The following ITPK1 variants were observed in gnomAD, a reference collection of about 807,000 sequenced individuals.
ITPK1 encodes the protein inositol 1,3,4-trisphosphate 5/6-kinase.
A neutral mutation model predicts 45.3 loss-of-function variants in ITPK1; 21 were observed. The observed-to-expected ratio is 0.46, with a 90% CI of 0.33 to 0.67. The LOEUF is 0.67. Among genes scored for constraint, ITPK1 ranks in the 30% least tolerant of loss-of-function variants. ITPK1 has a pLI of 0.02. For missense variants in ITPK1, 474 were observed against 573.5 expected (o/e 0.83, Z 1.77); for synonymous variants, 258 against 253.6 (o/e 1.02, Z -0.16).
intron 5 of ITPK1, among the ~76,000 whole-genome samples, chr14:92,966,309 C>T (rs1413259509): frequency 2.0e-5 from 3 of 152,090 alleles, no homozygotes; most frequent in African/African-American, 7.2e-5. Flanking sequence ...TATTTCTATA[C>T]CCCAGCAATG....
In ITPK1 at chr14:92,958,732, C is replaced by T. The variant is rs1884888014; in HGVS notation, c.505-366G>A. Reference sequence around the variant, plus strand: ...ACCCTCTGACATCCTAAAGGATCCTCCACAAAGACCCGGGAGGAGGAAGGA... The same window carrying T: ...ACCCTCTGACATCCTAAAGGATCCTTCACAAAGACCCGGGAGGAGGAAGGA... On this transcript the variant is annotated intron_variant, in intron 7 of 10. Coordinates refer to ENST00000267615, the MANE Select transcript of ITPK1 (RefSeq NM_014216.6). This position sits in a 1 kb window ranked among gnomAD's most constrained non-coding sequence, Gnocchi z 4.4. Among the ~76,000 whole-genome samples, 1 of 152,182 alleles carries T rather than the reference C, an allele frequency of 6.6e-6. No individual in the cohort carries two copies. Among genetic ancestry groups the T allele is most frequent in the Non-Finnish European group, 1.5e-5 (1 of 68,032 alleles).
chr14:93,110,450 C>T (rs1192464972), intron 2 of ITPK1, among the ~76,000 whole-genome samples: 2 of 152,198 alleles, frequency 1.3e-5, no homozygotes, highest in Admixed American at 6.5e-5. Flanking sequence ...GAATTCCAGA[C>T]CAGAATGCTA....
intron 3 of ITPK1, among the ~76,000 whole-genome samples, chr14:93,041,040 G>C (rs562587033): frequency 6.6e-6 from 1 of 152,318 alleles, no homozygotes; most frequent in African/African-American, 2.4e-5. Flanking sequence ...CAGAGTGTGG[G>C]GGGAGATGGT....
intron 3 of ITPK1, among the ~76,000 whole-genome samples, chr14:93,021,322 G>A (rs1305511864): frequency 2.6e-5 from 4 of 152,108 alleles, no homozygotes; most frequent in Non-Finnish European, 5.9e-5. Context: ...GCCGGACATA[G>A]TGGCTTGTGC....
At chr14:92,965,429 A>G (rs1483469881) in intron 5 of ITPK1, among the ~76,000 whole-genome samples, 1 of 152,230 alleles carries the variant, frequency 6.6e-6, no homozygotes, top group Non-Finnish European at 1.5e-5. Context: ...AAGACCAGGA[A>G]CAAGATAAGG....
intron 3 of ITPK1, among the ~76,000 whole-genome samples, chr14:93,074,092 CAG>C (rs1439894333): frequency 1.3e-5 from 2 of 152,196 alleles, no homozygotes; most frequent in African/African-American, 4.8e-5. Flanking sequence ...CCTGTTTTTG[CAG>C]AGTCTTTCTC....
chr14:93,102,393 G>A (rs1208725271), intron 2 of ITPK1, among the ~76,000 whole-genome samples: 2 of 152,402 alleles, frequency 1.3e-5, no homozygotes, highest in South Asian at 2.1e-4. Flanking sequence ...CCTGCAGGGA[G>A]GCGGCAAAGG....
intron 3 of ITPK1, among the ~76,000 whole-genome samples, chr14:93,048,101 T>C (rs151105000): frequency 1.6e-3 from 241 of 152,356 alleles, no homozygotes; most frequent in African/African-American, 5.7e-3. Context: ...GAAGAGGCTT[T>C]ACATTTTCTC....
chr14:93,033,896 G>A (rs1318843690), intron 3 of ITPK1, among the ~76,000 whole-genome samples: 3 of 152,100 alleles, frequency 2.0e-5, no homozygotes, highest in Non-Finnish European at 4.4e-5. Flanking sequence ...ATGCAGGGGA[G>A]GAGACAGAAA....
At chr14:93,023,356 G>A (rs1008416754) in intron 3 of ITPK1, among the ~76,000 whole-genome samples, 7 of 152,252 alleles carry the variant, frequency 4.6e-5, no homozygotes, top group Non-Finnish European at 8.8e-5. Context: ...CCCCTCTGGT[G>A]CAGGACCAGC....
intron 9 of ITPK1, among the ~76,000 whole-genome samples, chr14:92,947,142 G>A (rs936723347): frequency 4.6e-5 from 7 of 152,240 alleles, no homozygotes; most frequent in Non-Finnish European, 8.8e-5. Context: ...AAGGAGGTGA[G>A]GGTGAGGGCC....
intron 9 of ITPK1, among the ~76,000 whole-genome samples, chr14:92,950,428 G>A (rs1163888304): frequency 1.3e-5 from 2 of 152,262 alleles, no homozygotes; most frequent in Non-Finnish European, 2.9e-5. Flanking sequence ...GGTGCTGACC[G>A]CATTTCTCTT....
At chr14:93,011,145 G>A (rs998532345) in intron 4 of ITPK1, among the ~76,000 whole-genome samples, 4 of 152,240 alleles carry the variant, frequency 2.6e-5, no homozygotes, top group South Asian at 2.1e-4. Context: ...GGATGAGTCC[G>A]TGTCACCACA....
At position 93,115,859 on chromosome 14, in the gene ITPK1, C is replaced by A. The variant is rs1369475519; in HGVS notation, c.-230G>T. ...CGGCGGCGAGCGCCCGCGCACTCGC[C>A]GCCCCTGCCCGCCGCCGCCCCGCGC... On this transcript the variant is annotated 5_prime_UTR_variant, in exon 1 of 11. Transcript: ENST00000267615. 6.8e-6 allele frequency: 1 copy of A among 146,530 alleles called. No individual in the cohort carries two copies. The highest frequency in any genetic ancestry group is 1.9e-4 in the South Asian group (1 of 5,306). The allele number at this position is 146,530 out of a possible 1,614,324, so 9.1% of individuals were successfully genotyped here.
At chr14:92,984,782 C>T (rs887349366) in intron 5 of ITPK1, among the ~76,000 whole-genome samples, 6 of 152,190 alleles carry the variant, frequency 3.9e-5, no homozygotes, top group Non-Finnish European at 8.8e-5. Flanking sequence ...TCTAGGGCAA[C>T]TGGGGTGGTT....
At chr14:93,008,759 T>C (rs976274277) in intron 4 of ITPK1, among the ~76,000 whole-genome samples, 1 of 152,174 alleles carries the variant, frequency 6.6e-6, no homozygotes, top group Non-Finnish European at 1.5e-5. Flanking sequence ...CAGAAACACG[T>C]TGGGAAGTCA....
chr14:93,068,760 A>G (rs1890864835), intron 3 of ITPK1: 1 of 152,170 alleles, frequency 6.6e-6, no homozygotes, highest in South Asian at 2.1e-4. Context: ...GTACCATGTA[A>G]AAATATAACC....
At position 92,945,151 on chromosome 14, in the gene ITPK1, G is replaced by A. The variant is rs1443753240; in HGVS notation, c.901+1180C>T. Among the ~76,000 whole-genome samples the A allele has an allele frequency of 2.0e-5, 3 of 152,230 alleles. No individual in the cohort carries two copies. In the East Asian group the frequency reaches 5.8e-4, roughly 29 times the overall value. ...CTCTCCCCAGGCAGGGCATGGCAGTGGAGCTCAAGCTGCATCAGCATCTGG... is the reference window on the plus strand; with the variant it reads ...CTCTCCCCAGGCAGGGCATGGCAGTAGAGCTCAAGCTGCATCAGCATCTGG... On this transcript the variant is annotated intron_variant, in intron 10 of 10. Transcript: ENST00000267615.
At chr14:93,069,118 C>T (rs1025603724) in intron 3 of ITPK1, 2 of 153,444 alleles carry the variant, frequency 1.3e-5, no homozygotes, top group Non-Finnish European at 2.9e-5. Flanking sequence ...CTGCAGGAGC[C>T]CCTGGAGAGC....
Sources: allele counts gnomAD v4.1 joint callset (sites outside exome capture counted in the v4.1 genomes callset), GRCh38; gene constraint gnomAD v4.1.1; non-coding constraint Gnocchi (gnomAD v3.1); transcripts MANE v1.5; gene names NCBI Gene and HGNC (gene_info 2026-07-23, HGNC 2026-07-21).